Variants in ABCA13 observed in about 807,000 individuals in gnomAD.
The protein encoded by ABCA13 is ATP-binding cassette sub-family A member 13.
Under a neutral mutation model 478.7 loss-of-function variants are expected in ABCA13, and 476 were observed. The observed-to-expected ratio is 0.99, with a 90% confidence interval of 0.92 to 1.07. The LOEUF (loss-of-function observed/expected upper bound fraction) is 1.07. Among genes scored for constraint, ABCA13 ranks in the 50% least tolerant of loss-of-function variants. The pLI is 0.00. For missense variants in ABCA13, 6,060 were observed against 5,910.6 expected, an observed-to-expected ratio of 1.03 and a Z score of -0.83; for synonymous variants, 2,252 against 2,158.9, an observed-to-expected ratio of 1.04 and a Z score of -1.20.
intron 58 of ABCA13, among the ~76,000 whole-genome samples, chr7:48,601,303 G>A (rs899757155): frequency 1.3e-5 from 2 of 152,206 alleles, no homozygotes; most frequent in South Asian, 4.2e-4. Flanking sequence ...AGGTATACAT[G>A]TGCCATGGTG....
intron 41 of ABCA13, among the ~76,000 whole-genome samples, chr7:48,419,776 C>T (rs17630810): frequency 0.38 from 58,030 of 151,946 alleles, 11,741 homozygotes; most frequent in African/African-American, 0.51. Flanking sequence ...CTAGATTTTA[C>T]GTATCTCTCT....
chr7:48,516,620 G>A (rs955369622), intron 51 of ABCA13, 105 bp from the exon 52 acceptor site: 59 of 1,126,272 alleles, frequency 5.2e-5, no homozygotes, highest in Non-Finnish European at 6.9e-5. Flanking sequence ...AGTAATATCT[G>A]CATTTTCAGG....
chr7:48,175,741 T>C (rs1181467276), intron 1 of ABCA13, among the ~76,000 whole-genome samples: 2 of 152,206 alleles, frequency 1.3e-5, no homozygotes, highest in East Asian at 1.9e-4. Context: ...ATCATTGTTA[T>C]TATATAGTCA....
chr7:48,356,464 G>C (rs534046544), intron 31 of ABCA13, among the ~76,000 whole-genome samples: 1 of 151,646 alleles, frequency 6.6e-6, no homozygotes, highest in South Asian at 2.1e-4. Flanking sequence ...TGTATAAACG[G>C]GGGGGACAGC....
intron 48 of ABCA13, among the ~76,000 whole-genome samples, chr7:48,503,552 C>A (rs1452109956): frequency 1.3e-5 from 2 of 152,172 alleles, no homozygotes; most frequent in Non-Finnish European, 2.9e-5. Context: ...TCTTTCTTTG[C>A]CTGACTTATT....
chr7:48,282,698 A>G (rs1227406761), intron 19 of ABCA13, among the ~76,000 whole-genome samples: 1 of 152,050 alleles, frequency 6.6e-6, no homozygotes, highest in Non-Finnish European at 1.5e-5. Context: ...TCAGGTTGTT[A>G]TATTATGATT....
intron 42 of ABCA13, among the ~76,000 whole-genome samples, chr7:48,435,984 T>C (rs1448639731): frequency 6.6e-6 from 1 of 151,098 alleles, no homozygotes; most frequent in African/African-American, 2.4e-5. Context: ...TTTTTTTTTT[T>C]TGGTAGTTCC....
chr7:48,221,155 G>A (rs1787305313), intron 4 of ABCA13, 126 bp from the exon 5 acceptor site: 1 of 531,868 alleles, frequency 1.9e-6, no homozygotes, highest in Non-Finnish European at 3.4e-6. Flanking sequence ...TTCAGTTTTG[G>A]TGTATTTGAT....
intron 55 of ABCA13, among the ~76,000 whole-genome samples, chr7:48,544,020 G>A (rs866055820): frequency 6.6e-6 from 1 of 151,568 alleles, no homozygotes; most frequent in Non-Finnish European, 1.5e-5. Context: ...AGAAGGTATT[G>A]TTCCTATATA....
intron 58 of ABCA13, among the ~76,000 whole-genome samples, chr7:48,606,976 G>A (rs1355625873): frequency 6.6e-6 from 1 of 152,208 alleles, no homozygotes; most frequent in African/African-American, 2.4e-5. Flanking sequence ...CACCCAGTTC[G>A]AACTTCCTGA....
At chr7:48,633,114 G>T (rs2131644314) in intron 59 of ABCA13, among the ~76,000 whole-genome samples, 1 of 152,230 alleles carries the variant, frequency 6.6e-6, no homozygotes, top group Non-Finnish European at 1.5e-5. Flanking sequence ...TGCTTTAAAT[G>T]ACACTATCAA....
In ABCA13 at chr7:48,201,121, G is replaced by C. The variant is rs1798638673; in HGVS notation, c.287+2761G>C. Among the ~76,000 whole-genome samples, 2 of 152,248 alleles carry C rather than the reference G, an allele frequency of 1.3e-5. 1 individual carries two copies. Among genetic ancestry groups the C allele is most frequent in the South Asian group, 4.1e-4 (2 of 4,834 alleles). On this transcript the variant is annotated intron_variant, in intron 3 of 61. Transcript: ENST00000435803. ...GTTCTTAGGGCAGATGGGAGGGGGA[G>C]GAAGGGATGAGGAAAAGGATTAATC...
chr7:48,210,042 A>T (rs1055580246), intron 3 of ABCA13, among the ~76,000 whole-genome samples: 1 of 152,176 alleles, frequency 6.6e-6, no homozygotes. Context: ...TTTAAGATGC[A>T]TACTGTATTA....
At chr7:48,297,144 C>G (rs1799492016) in intron 21 of ABCA13, 88 bp from the exon 22 acceptor site, 1 of 1,092,776 alleles carries the variant, frequency 9.2e-7, no homozygotes. Flanking sequence ...CAGTCCATCT[C>G]TTGGGAGCTG....
chr7:48,581,503 C>G (rs928568414), intron 56 of ABCA13, among the ~76,000 whole-genome samples: 1 of 152,040 alleles, frequency 6.6e-6, no homozygotes, highest in Non-Finnish European at 1.5e-5. Context: ...AATTTTTAAT[C>G]GGTGTTTATC....
chr7:48,372,000 T>C (rs1463388806), intron 32 of ABCA13, among the ~76,000 whole-genome samples, 168 bp from the exon 33 acceptor site: 2 of 152,192 alleles, frequency 1.3e-5, no homozygotes, highest in Non-Finnish European at 2.9e-5. Context: ...GAAAATCAAA[T>C]ACCAAGCTTG....
intron 15 of ABCA13, among the ~76,000 whole-genome samples, chr7:48,261,369 T>C (rs1794157470): frequency 6.6e-6 from 1 of 151,938 alleles, no homozygotes; most frequent in African/African-American, 2.4e-5. Flanking sequence ...AGTCCAAATA[T>C]TCTGAGATTG....
intron 41 of ABCA13, among the ~76,000 whole-genome samples, chr7:48,415,659 CT>C (rs1819877358): frequency 6.6e-6 from 1 of 151,984 alleles, no homozygotes; most frequent in African/African-American, 2.4e-5. Context: ...CTTGGTAATA[CT>C]TTTAATTTTT....
Position 48,372,512 on chromosome 7 carries a change from TTG to T in ABCA13, c.11133+17_11133+18del, listed in dbSNP as rs1286705839. The T allele has an allele frequency of 1.3e-6, 2 of 1,497,066 alleles. No homozygotes were observed. The highest frequency in any genetic ancestry group is 1.5e-5 in the African/African-American group (1 of 68,664). 92.7% of individuals were successfully genotyped at this position (1,497,066 alleles called of 1,614,324 possible). On this transcript the variant is annotated intron_variant, in intron 33 of 61. Transcript: ENST00000435803. The stretch of plus-strand genomic sequence containing the variant: ...AGACATTTCTGGTAAGTAAGTTGTT[TTG>T]TAAAAAAAAAAAAAAAAAACAACAA...
Sources: allele counts gnomAD v4.1 joint callset (sites outside exome capture counted in the v4.1 genomes callset), GRCh38; gene constraint gnomAD v4.1.1; transcripts MANE v1.5; gene names NCBI Gene and HGNC (gene_info 2026-07-23, HGNC 2026-07-21).